TAFA5: variants seen among roughly 807,000 people sequenced by gnomAD.
TAFA5 encodes the protein TAFA chemokine like family member 5.
In TAFA5, 6 loss-of-function variants were observed where a neutral mutation model predicts 15.3. That is an observed-to-expected ratio of 0.39 (90% CI 0.21 to 0.77). TAFA5 has a LOEUF of 0.77. TAFA5 is among the 30% of genes least tolerant of loss of function. The pLI is 0.41. For synonymous variants in TAFA5, 103 were observed against 80.7 expected (o/e 1.28, Z -1.48); for missense variants, 161 against 193.1 (o/e 0.83, Z 0.98).
chr22:48,636,515 A>G (rs1926449987), intron 1 of TAFA5, among the ~76,000 whole-genome samples: 2 of 33,360 alleles, frequency 6.0e-5, no homozygotes, highest in Admixed American at 3.6e-4. Flanking sequence ...TAGGCACTTA[A>G]CTTATGAGTC....
chr22:48,564,597 A>G (rs5767194), intron 1 of TAFA5, among the ~76,000 whole-genome samples: 54,704 of 152,030 alleles, frequency 0.36, 10,017 homozygotes, highest in East Asian at 0.51. Flanking sequence ...TCTTCTTCCC[A>G]AGGGTGAGGG....
At chr22:48,706,324 G>A (rs183259313) in intron 2 of TAFA5, among the ~76,000 whole-genome samples, 5 of 152,262 alleles carry the variant, frequency 3.3e-5, no homozygotes, top group Admixed American at 6.5e-5. Flanking sequence ...TGAGGACCCC[G>A]AGGAACTCGG....
chr22:48,610,846 A>C (rs968092336), intron 1 of TAFA5, among the ~76,000 whole-genome samples: 1 of 152,074 alleles, frequency 6.6e-6, no homozygotes, highest in Non-Finnish European at 1.5e-5. Context: ...TCCCCCTCCC[A>C]GACTGTGGTG....
chr22:48,517,000 C>T (rs1005239114), intron 1 of TAFA5, among the ~76,000 whole-genome samples: 1 of 152,220 alleles, frequency 6.6e-6, no homozygotes, highest in Non-Finnish European at 1.5e-5. Flanking sequence ...TTGAAGATTG[C>T]ATTCTGCTGG....
At position 48,560,409 on chromosome 22, in the gene TAFA5, G is replaced by A. The variant is rs1230732072; in HGVS notation, c.112+70705G>A. On this transcript the variant is annotated intron_variant, in intron 1 of 3. Transcript: ENST00000402357. The surrounding 1 kb of genome is among the most constrained non-coding windows in gnomAD (Gnocchi z 4.2). ...CTGGAGACCACACGTGGGATGCCAG[G>A]AGCACCAAGGGTGCAGGTAGGCCAT... Among the ~76,000 whole-genome samples, 2 of 152,234 alleles carry A rather than the reference G, an allele frequency of 1.3e-5. No individual in the cohort carries two copies. The highest frequency in any genetic ancestry group is 3.9e-4 in the East Asian group (2 of 5,154).
Position 48,554,260 on chromosome 22 carries a change from G to C in TAFA5, c.112+64556G>C, listed in dbSNP as rs369679955. On this transcript the variant is annotated intron_variant, in intron 1 of 3. Coordinates refer to ENST00000402357, the MANE Select transcript of TAFA5 (RefSeq NM_001082967.3). ...GCAGAAGTTTGACGGGCTAGTTTAG[G>C]CCGTCATTTTTTTTCCATTAATAAA... is the stretch of plus-strand genomic sequence containing the variant. Among the ~76,000 whole-genome samples, 615 of 152,156 alleles carry C rather than the reference G, an allele frequency of 4.0e-3. 6 individuals are homozygous for C. The highest frequency in any genetic ancestry group is 0.014 in the African/African-American group (576 of 41,498).
chr22:48,631,784 G>A (rs1253290267), intron 1 of TAFA5, among the ~76,000 whole-genome samples: 1 of 152,190 alleles, frequency 6.6e-6, no homozygotes, highest in African/African-American at 2.4e-5. Context: ...AGACATCGCG[G>A]AATGTAAAGG....
intron 1 of TAFA5, among the ~76,000 whole-genome samples, chr22:48,541,679 G>T (rs947613591): frequency 7.2e-5 from 11 of 152,156 alleles, no homozygotes; most frequent in Admixed American, 2.0e-4. Context: ...AGGACTCAGT[G>T]CACCTGGCCA....
At chr22:48,629,081 G>A (rs1402591390) in intron 1 of TAFA5, among the ~76,000 whole-genome samples, 2 of 152,128 alleles carry the variant, frequency 1.3e-5, no homozygotes, top group Non-Finnish European at 2.9e-5. Context: ...CCTGCCGGCG[G>A]CCTCCTGAAG....
intron 1 of TAFA5, among the ~76,000 whole-genome samples, chr22:48,507,289 A>C (rs1039709145): frequency 7.2e-6 from 1 of 139,606 alleles, no homozygotes; most frequent in Admixed American, 6.9e-5. Flanking sequence ...ATCAAGGGCC[A>C]GGTGTGCAGT....
chr22:48,692,446 A>G (rs1928571671), intron 2 of TAFA5, among the ~76,000 whole-genome samples: 1 of 152,176 alleles, frequency 6.6e-6, no homozygotes, highest in South Asian at 2.1e-4. Context: ...TTAATTTTTT[A>G]AGAGACTGAG....
rs1221592912 is a variant in TAFA5, at chr22:48,598,470, A to G, written c.113-48127A>G. On this transcript the variant is annotated intron_variant, in intron 1 of 3. Transcript: ENST00000402357. The surrounding 1 kb of genome is among the most constrained non-coding windows in gnomAD (Gnocchi z 4.0). Reference sequence around the variant, plus strand: ...TGGGGCTGAGGGAGACCACACAGGAAGGGACGTCTCCTCCTGGTGCCACCT... The same window carrying G: ...TGGGGCTGAGGGAGACCACACAGGAGGGGACGTCTCCTCCTGGTGCCACCT... 6.6e-6 allele frequency among the ~76,000 whole-genome samples: 1 copy of G among 152,074 alleles called. No individual in the cohort carries two copies. Among genetic ancestry groups the G allele is most frequent in the African/African-American group, 2.4e-5 (1 of 41,410 alleles).
At chr22:48,561,371 C>T (rs539000428) in intron 1 of TAFA5, among the ~76,000 whole-genome samples, 2 of 152,256 alleles carry the variant, frequency 1.3e-5, no homozygotes, top group South Asian at 2.1e-4. Context: ...CAGACTGCTC[C>T]GTAGATGACA....
At chr22:48,556,904 T>C (rs2147129760) in intron 1 of TAFA5, among the ~76,000 whole-genome samples, 1 of 152,292 alleles carries the variant, frequency 6.6e-6, no homozygotes, top group East Asian at 1.9e-4. Context: ...TCCACAGTGG[T>C]GTCCTCATGC....
chr22:48,525,986 C>T (rs776950324), intron 1 of TAFA5, among the ~76,000 whole-genome samples: 1 of 152,228 alleles, frequency 6.6e-6, no homozygotes, highest in South Asian at 2.1e-4. Context: ...CCAAATGGCC[C>T]TCAGTGCAGA....
intron 2 of TAFA5, among the ~76,000 whole-genome samples, chr22:48,668,854 G>GT (rs1389558739): frequency 1.5e-4 from 23 of 152,362 alleles, no homozygotes; most frequent in Non-Finnish European, 2.9e-4. Context: ...GGAGGCTGCT[G>GT]CGGGGGGTCT....
At chr22:48,745,697 G>T (rs1291539607) in intron 3 of TAFA5, among the ~76,000 whole-genome samples, 1 of 152,242 alleles carries the variant, frequency 6.6e-6, no homozygotes, top group African/African-American at 2.4e-5. Flanking sequence ...GGTGCCTCCT[G>T]TCAGATGCCT....
intron 2 of TAFA5, among the ~76,000 whole-genome samples, chr22:48,696,685 C>A (rs1368334607): frequency 6.6e-6 from 1 of 152,242 alleles, no homozygotes; most frequent in East Asian, 1.9e-4. Context: ...ACCCCTTCAC[C>A]CCCATACCAC....
chr22:48,621,638 G>T (rs368253629), intron 1 of TAFA5, among the ~76,000 whole-genome samples: 1 of 152,224 alleles, frequency 6.6e-6, no homozygotes, highest in Admixed American at 6.5e-5. Context: ...GGCTGTGGCC[G>T]CAGAGTGGCC....
Sources: gnomAD v4.1 joint callset for allele counts (sites outside exome capture counted in the v4.1 genomes callset) on GRCh38, gnomAD v4.1.1 for gene constraint, Gnocchi (gnomAD v3.1) non-coding constraint, MANE v1.5 for transcripts, NCBI Gene and HGNC (gene_info 2026-07-23, HGNC 2026-07-21) for gene names.